Variants in TCF4 observed in about 807,000 individuals in gnomAD.
TCF4 encodes the protein transcription factor 4.
TCF4 carries 3 observed loss-of-function variants against 82.1 expected under a neutral mutation model. The ratio of observed to expected loss-of-function variants is 0.04; its 90% confidence interval spans 0.02 to 0.09. The LOEUF (loss-of-function observed/expected upper bound fraction) is 0.09, where lower values mean the gene tolerates loss of function less well. TCF4 is among the 10% of genes least tolerant of loss of function. The pLI is 1.00. For missense variants in TCF4, 518 were observed against 852.7 expected (o/e 0.61, Z 4.89); for synonymous variants, 276 against 309.6 (o/e 0.89, Z 1.14).
intron 5 of TCF4, among the ~76,000 whole-genome samples, chr18:55,457,930 CT>C (rs774189932): frequency 1.3e-5 from 2 of 152,124 alleles, no homozygotes; most frequent in Non-Finnish European, 2.9e-5. Flanking sequence ...TATCATTTCC[CT>C]AAAATTGTAT....
chr18:55,614,450 CATTTTA>C (rs199822987), intron 2 of TCF4, among the ~76,000 whole-genome samples: 3,245 of 152,224 alleles, frequency 0.021, 66 homozygotes, highest in Non-Finnish European at 0.026. Context: ...TATGGATGAT[CATTTTA>C]ATTTTAACAA....
chr18:55,322,156 TA>T (rs1221880049), intron 8 of TCF4: 1 of 1,060,010 alleles, frequency 9.4e-7, no homozygotes, highest in East Asian at 5.1e-5. Context: ...TTTTCTTCTC[TA>T]AAATTTCCAC....
chr18:55,575,522 T>A (rs548561017), intron 3 of TCF4, among the ~76,000 whole-genome samples: 2 of 152,212 alleles, frequency 1.3e-5, no homozygotes, highest in East Asian at 3.8e-4. Context: ...GAGGAATTCA[T>A]AGGTTCTTAA....
chr18:55,494,730 G>C (rs1332079581), intron 3 of TCF4, among the ~76,000 whole-genome samples: 1 of 152,004 alleles, frequency 6.6e-6, no homozygotes, highest in Non-Finnish European at 1.5e-5. Context: ...GCTAGACAAG[G>C]GAATTACTCT....
In TCF4 at chr18:55,302,585, T is replaced by C; in HGVS notation, c.550-22929A>G. 4 of 1,532,700 alleles carry C rather than the reference T, an allele frequency of 2.6e-6. No homozygotes were observed. In the South Asian group the frequency reaches 4.8e-5, roughly 18 times the overall value. 94.9% of individuals were successfully genotyped at this position (1,532,700 alleles called of 1,614,324 possible). On this transcript the variant is annotated intron_variant, in intron 8 of 19. Coordinates refer to ENST00000354452, the MANE Select transcript of TCF4 (RefSeq NM_001083962.2). Reference sequence around the variant, plus strand: ...CAGGACCACAGCCCAGAATTCATAATGGGAGGGAGAGAGGGAACTTCATGC... The same window carrying C: ...CAGGACCACAGCCCAGAATTCATAACGGGAGGGAGAGAGGGAACTTCATGC...
chr18:55,612,524 A>G (rs1485270542), intron 2 of TCF4, among the ~76,000 whole-genome samples: 1 of 152,152 alleles, frequency 6.6e-6, no homozygotes, highest in Non-Finnish European at 1.5e-5. Flanking sequence ...CATGATATGT[A>G]GCTCACTGTA....
At chr18:55,619,398 C>T (rs1437217539) in intron 2 of TCF4, among the ~76,000 whole-genome samples, 1 of 152,024 alleles carries the variant, frequency 6.6e-6, no homozygotes, top group Non-Finnish European at 1.5e-5. Flanking sequence ...TCTCTTATTC[C>T]TGATACTGGT....
chr18:55,331,305 C>G (rs72925094), intron 8 of TCF4, among the ~76,000 whole-genome samples: 1 of 152,146 alleles, frequency 6.6e-6, no homozygotes, highest in Non-Finnish European at 1.5e-5. Flanking sequence ...TAGTCACTTC[C>G]AGATAAGGAC....
intron 5 of TCF4, among the ~76,000 whole-genome samples, chr18:55,431,122 C>T (rs2095176705): frequency 6.6e-6 from 1 of 152,120 alleles, no homozygotes; most frequent in East Asian, 1.9e-4. Context: ...AAAAACGAAG[C>T]ACATTTTCTT....
chr18:55,559,150 C>CAAAA (rs748464132), intron 3 of TCF4, among the ~76,000 whole-genome samples: 1 of 56,192 alleles, frequency 1.8e-5, no homozygotes, highest in South Asian at 5.2e-4. Flanking sequence ...TTCCCCAAAG[C>CAAAA]AAAAAAAAAA....
At chr18:55,300,109 C>A (rs1454824930) in intron 8 of TCF4, among the ~76,000 whole-genome samples, 1 of 151,892 alleles carries the variant, frequency 6.6e-6, no homozygotes, top group Non-Finnish European at 1.5e-5. Context: ...TACACACACA[C>A]ACACACACAC....
intron 3 of TCF4, among the ~76,000 whole-genome samples, chr18:55,540,398 T>G (rs2097155632): frequency 6.6e-6 from 1 of 152,088 alleles, no homozygotes; most frequent in African/African-American, 2.4e-5. Flanking sequence ...CAAAACAAAT[T>G]TAACACATGA....
intron 8 of TCF4, among the ~76,000 whole-genome samples, chr18:55,340,057 G>A (rs753621212): frequency 1.3e-5 from 2 of 152,146 alleles, no homozygotes; most frequent in African/African-American, 2.4e-5. Flanking sequence ...CTAACCTTCA[G>A]TTTTGCGGGG....
chr18:55,512,719 G>A (rs1397352928), intron 3 of TCF4, among the ~76,000 whole-genome samples: 2 of 152,044 alleles, frequency 1.3e-5, no homozygotes, highest in South Asian at 2.1e-4. Flanking sequence ...TATTGAAACT[G>A]TATGATGGTG....
intron 8 of TCF4, among the ~76,000 whole-genome samples, chr18:55,293,600 T>C (rs1179748625): frequency 3.3e-5 from 5 of 152,192 alleles, no homozygotes; most frequent in Non-Finnish European, 7.4e-5. Context: ...CAATCTTCAA[T>C]ATTCATTTGA....
Position 55,224,791 on chromosome 18 carries a change from T to C in TCF4, c.*3244A>G, listed in dbSNP as rs2046374099. ...AAGACAAATGGTAAAAATTTCTAGATGAACAGATCCCTATTCTGCATATTC... is the reference window on the plus strand; with the variant it reads ...AAGACAAATGGTAAAAATTTCTAGACGAACAGATCCCTATTCTGCATATTC... On this transcript the variant is annotated 3_prime_UTR_variant, in exon 20 of 20. Coordinates refer to ENST00000354452, the MANE Select transcript of TCF4 (RefSeq NM_001083962.2). The C allele has an allele frequency of 6.6e-6, 1 of 152,606 alleles. No individual in the cohort carries two copies. The highest frequency in any genetic ancestry group is 6.5e-5 in the Admixed American group (1 of 15,270). The allele number at this position is 152,606 out of a possible 1,614,324, so 9.5% of individuals were successfully genotyped here. A position where few individuals can be genotyped will look rare whatever the true frequency, so the allele number is the denominator to read the frequency against.
intron 3 of TCF4, among the ~76,000 whole-genome samples, chr18:55,579,924 A>G (rs1481726914): frequency 6.6e-6 from 1 of 152,100 alleles, no homozygotes; most frequent in East Asian, 1.9e-4. Context: ...CATGATTCTA[A>G]GCATTTAAGA....
At chr18:55,453,755 A>G (rs1245666634) in intron 5 of TCF4, among the ~76,000 whole-genome samples, 6 of 151,854 alleles carry the variant, frequency 4.0e-5, no homozygotes, top group African/African-American at 1.4e-4. Flanking sequence ...TCTTAGCTCA[A>G]TACCAGAAAC....
intron 3 of TCF4, among the ~76,000 whole-genome samples, chr18:55,583,793 AAATT>A (rs2097603314): frequency 6.6e-6 from 1 of 152,132 alleles, no homozygotes; most frequent in Non-Finnish European, 1.5e-5. Context: ...CTAACATGAA[AAATT>A]AATTTGCCCA....
Sources: gnomAD v4.1 joint callset for allele counts (sites outside exome capture counted in the v4.1 genomes callset) on GRCh38, gnomAD v4.1.1 for gene constraint, MANE v1.5 for transcripts, NCBI Gene and HGNC (gene_info 2026-07-23, HGNC 2026-07-21) for gene names.